The following PARG variants were observed in gnomAD, a reference collection of about 807,000 sequenced individuals.
The protein encoded by PARG is poly(ADP-ribose) glycohydrolase, also known as mitochondrial poly(ADP-ribose) glycohydrolase.
A neutral mutation model predicts 113.0 loss-of-function variants in PARG; 35 were observed. The observed-to-expected ratio is 0.31, with a 90% CI of 0.24 to 0.41. PARG has a LOEUF of 0.41. PARG is among the 10% of genes least tolerant of loss of function. The probability of loss-of-function intolerance (pLI) is 1.00; values close to 1 mark genes in which losing one functional copy is unlikely to be tolerated. For synonymous variants in PARG, 330 were observed against 409.9 expected (o/e 0.81, Z 2.36); for missense variants, 797 against 1,169.4 (o/e 0.68, Z 4.64).
At chr10:49,851,435 AT>A (rs1845754816) in intron 13 of PARG, among the ~76,000 whole-genome samples, 1 of 151,212 alleles carries the variant, frequency 6.6e-6, no homozygotes, top group African/African-American at 2.4e-5. Flanking sequence ...CTCCAACTGA[AT>A]TTGGACCTTT....
chr10:49,906,790 A>G (rs1376799271), intron 7 of PARG, among the ~76,000 whole-genome samples: 1 of 152,234 alleles, frequency 6.6e-6, no homozygotes, highest in African/African-American at 2.4e-5. Flanking sequence ...CAAAGGAGAT[A>G]TTTACAGGGA....
intron 9 of PARG, among the ~76,000 whole-genome samples, chr10:49,876,788 G>T (rs1290644709): frequency 1.5e-4 from 22 of 150,782 alleles, no homozygotes; most frequent in Non-Finnish European, 3.0e-4. Flanking sequence ...ACACTGTGGG[G>T]AATATTGCAG....
In PARG at chr10:49,941,510, A is replaced by G. The variant is rs1463610434; in HGVS notation, c.216T>C (p.Leu72=). ...AAAGATTTTTATTTTCCCACGTACC[A>G]AGCGAGGTGGCGCTGCCTCTGTGCT... ...AGQHRGSATS[L]VFKQKTITSW... The change falls in exon 1 of 18, where the codon CTT becomes CTC. Residue 72 remains leucine, a splice_region_variant and synonymous_variant. Transcript: ENST00000616448. 6.5e-6 allele frequency: 10 copies of G among 1,549,572 alleles called. No individual in the cohort carries two copies. The highest frequency in any genetic ancestry group is 2.0e-5 in the Admixed American group (1 of 51,206).
intron 13 of PARG, among the ~76,000 whole-genome samples, chr10:49,856,281 G>A (rs1393415483): frequency 1.3e-5 from 2 of 151,530 alleles, no homozygotes; most frequent in African/African-American, 4.9e-5. Context: ...CCGGGTTCAA[G>A]TGATTATCCT....
intron 15 of PARG, among the ~76,000 whole-genome samples, chr10:49,835,654 C>T (rs1013152049): frequency 4.6e-5 from 7 of 151,810 alleles, no homozygotes; most frequent in African/African-American, 1.5e-4. Flanking sequence ...GAAAAGAGAC[C>T]AAACAAAACT....
chr10:49,923,632 A>T (rs1456280861), intron 4 of PARG, among the ~76,000 whole-genome samples: 1 of 152,078 alleles, frequency 6.6e-6, no homozygotes, highest in Non-Finnish European at 1.5e-5. Flanking sequence ...TGCCTCTGTA[A>T]AATAATTGGA....
In PARG at chr10:49,920,481, T is replaced by C. The variant is rs1292456520; in HGVS notation, c.1662+1855A>G. Among the ~76,000 whole-genome samples the C allele has an allele frequency of 2.9e-5, 3 of 101,794 alleles. No individual in the cohort carries two copies. In the East Asian group the frequency reaches 6.6e-4, roughly 23 times the overall value. The allele number at this position is 101,794 out of a possible 152,430, so 66.8% of individuals were successfully genotyped here. On this transcript the variant is annotated intron_variant, in intron 6 of 17. Coordinates refer to ENST00000616448, the MANE Select transcript of PARG (RefSeq NM_003631.5). ...AAAAAAAAATATATATATATATATA[T>C]ATATATATATATATATACACACACA...
chr10:49,828,483 C>T (rs1367718041), intron 16 of PARG, among the ~76,000 whole-genome samples: 2 of 152,114 alleles, frequency 1.3e-5, no homozygotes, highest in Non-Finnish European at 2.9e-5. Flanking sequence ...AGGTAGGAGA[C>T]CACAGGGAGC....
chr10:49,897,906 C>T (rs1281241845), intron 7 of PARG, among the ~76,000 whole-genome samples: 1 of 152,134 alleles, frequency 6.6e-6, no homozygotes, highest in African/African-American at 2.4e-5. Context: ...GCATGAGAAT[C>T]GCTTGAGCTC....
In PARG at chr10:49,819,383, C is replaced by A; in HGVS notation, c.2888G>T (p.Cys963Phe). The A allele has an allele frequency of 1.3e-6, 2 of 1,551,588 alleles. No individual in the cohort carries two copies. The highest frequency in any genetic ancestry group is 2.0e-5 in the Admixed American group (1 of 50,986). ...YPFIYHAVES[C>F]AETADHSGQR... ...CCCTGAATGGTCAGCGGTCTCTGCA[C>A]AGGACTCGACAGCATGGTATATGAA... Residue 963 changes from cysteine to phenylalanine, a missense_variant, in exon 18 of 18, where the codon TGT becomes TTT. This residue lies in a region of PARG where 194 missense variants were observed against 247.1 expected (regional missense o/e 0.79). Transcript: ENST00000616448.
intron 15 of PARG, among the ~76,000 whole-genome samples, chr10:49,836,026 T>G (rs1205816465): frequency 6.6e-6 from 1 of 152,110 alleles, no homozygotes; most frequent in South Asian, 2.1e-4. Context: ...CTAGCCTAGG[T>G]GAGTAGCAGG....
chr10:49,936,982 C>T (rs1268539034), intron 1 of PARG, among the ~76,000 whole-genome samples: 8 of 152,118 alleles, frequency 5.3e-5, no homozygotes, highest in African/African-American at 1.4e-4. Context: ...AAAGTAATCA[C>T]GCATAGTGAT....
intron 14 of PARG, among the ~76,000 whole-genome samples, chr10:49,842,374 C>G (rs1845286449): frequency 6.6e-6 from 1 of 152,174 alleles, no homozygotes; most frequent in African/African-American, 2.4e-5. Context: ...CAAAAGGAAT[C>G]TAGTTCTTTG....
chr10:49,841,443 T>C (rs1845232625), intron 15 of PARG, among the ~76,000 whole-genome samples: 1 of 152,194 alleles, frequency 6.6e-6, no homozygotes, highest in Admixed American at 6.5e-5. Flanking sequence ...ATGGTTCATT[T>C]TTATATTTCT....
intron 13 of PARG, among the ~76,000 whole-genome samples, chr10:49,850,620 G>A (rs1417548875): frequency 6.6e-6 from 1 of 152,122 alleles, no homozygotes; most frequent in Non-Finnish European, 1.5e-5. Flanking sequence ...CGTTTTTCCT[G>A]TTCATAAAAA....
chr10:49,833,603 G>C (rs1342563672), intron 15 of PARG, among the ~76,000 whole-genome samples: 1 of 152,162 alleles, frequency 6.6e-6, no homozygotes, highest in African/African-American at 2.4e-5. Flanking sequence ...TGAAGATGCT[G>C]GCTAAGTATT....
rs1415008773 is a variant in PARG at position 49,933,942 on chromosome 10, T to C, written c.506A>G (p.Glu169Gly). The stretch of plus-strand genomic sequence containing the variant: ...CAGGGTTACTGTTTGAGGTTCACTT[T>C]CCAAAAGCTGCTCCGTGTGTTTCCC... ...NEGKHTEQLLESEPQTVTLVP... is the reference protein window; with the variant it reads ...NEGKHTEQLLGSEPQTVTLVP... Residue 169 changes from glutamate (E) to glycine (G), a missense_variant, in exon 3 of 18, where the codon GAA (glutamate) becomes GGA (glycine). By Grantham distance (98) the Glu-to-Gly change is moderately conservative. This residue lies in a region of PARG where 284 missense variants were observed against 306.1 expected (regional missense o/e 0.93). Transcript: ENST00000616448. The C allele has an allele frequency of 6.2e-7, 1 of 1,604,464 alleles. No individual in the cohort carries two copies. Among genetic ancestry groups the C allele is most frequent in the East Asian group, 2.2e-5 (1 of 44,832 alleles).
At chr10:49,836,156 C>T (rs1309513221) in intron 15 of PARG, among the ~76,000 whole-genome samples, 1 of 152,058 alleles carries the variant, frequency 6.6e-6, no homozygotes, top group Non-Finnish European at 1.5e-5. Context: ...CATGTAAATA[C>T]ATTATTCTAT....
intron 7 of PARG, among the ~76,000 whole-genome samples, chr10:49,899,092 C>T (rs1246665393): frequency 6.6e-6 from 1 of 152,186 alleles, no homozygotes; most frequent in Non-Finnish European, 1.5e-5. Flanking sequence ...TTTTACAAAG[C>T]TCATCCTCCT....
Sources: gnomAD v4.1 joint callset for allele counts (sites outside exome capture counted in the v4.1 genomes callset) on GRCh38, gnomAD v4.1.1 for gene constraint, gnomAD v4.1.1 regional missense constraint, MANE v1.5 for transcripts, NCBI Gene and HGNC (gene_info 2026-07-23, HGNC 2026-07-21) for gene names.